The following CHD7 variants were observed in gnomAD, a reference collection of about 807,000 sequenced individuals.
CHD7 encodes chromodomain helicase DNA binding protein 7.
Under a neutral mutation model 307.3 loss-of-function variants are expected in CHD7, and 24 were observed. The observed-to-expected ratio is 0.08, with a 90% CI of 0.06 to 0.11. The LOEUF (loss-of-function observed/expected upper bound fraction) is 0.11, where lower values mean the gene tolerates loss of function less well. Among genes scored for constraint, CHD7 ranks in the 10% least tolerant of loss-of-function variants. The probability of loss-of-function intolerance (pLI) is 1.00; values close to 1 mark genes in which losing one functional copy is unlikely to be tolerated. For missense variants in CHD7, 3,106 were observed against 3,727.1 expected (o/e 0.83, Z 4.34); for synonymous variants, 1,363 against 1,349.9 (o/e 1.01, Z -0.21).
chr8:60,846,340 A>G (rs758285658), intron 23 of CHD7, among the ~76,000 whole-genome samples: 3 of 152,220 alleles, frequency 2.0e-5, no homozygotes, highest in African/African-American at 4.8e-5. Context: ...GCTTGGAATC[A>G]TATTTCTTAC....
In CHD7 at chr8:60,851,304, G is replaced by C; in HGVS notation, c.5650G>C (p.Glu1884Gln). 3 of 1,559,494 alleles carry C rather than the reference G, an allele frequency of 1.9e-6. No individual in the cohort carries two copies. The highest frequency in any genetic ancestry group is 2.6e-6 in the Non-Finnish European group (3 of 1,150,638). ...SPSEDKEESMEIHATGKHSES... is the reference protein window; with the variant it reads ...SPSEDKEESMQIHATGKHSES... ...TTCAGAGGATAAGGAAGAATCCATG[G>C]AAATACATGCCACAGGTAAGGTCCC... is the stretch of plus-strand genomic sequence containing the variant. The change falls in exon 28 of 38, where the codon GAA becomes CAA. Residue 1884 changes from glutamate (E) to glutamine (Q), a missense_variant. By Grantham distance (29) the Glu-to-Gln change is conservative. Transcript: ENST00000423902.
At chr8:60,746,279 A>G (rs781033471) in intron 2 of CHD7, among the ~76,000 whole-genome samples, 1 of 152,262 alleles carries the variant, frequency 6.6e-6, no homozygotes, top group Admixed American at 6.5e-5. Context: ...TATGTAATAC[A>G]GCCTTAGTTA....
chr8:60,845,149 A>G (rs1805149946), intron 22 of CHD7, 86 bp downstream of exon 22: 1 of 1,576,500 alleles, frequency 6.3e-7, no homozygotes, highest in Non-Finnish European at 8.6e-7. Context: ...GAGATGTGAC[A>G]TAAACCCCAT....
intron 30 of CHD7, 55 bp from the exon 31 acceptor site, chr8:60,852,774 A>G (rs1805510900): frequency 1.2e-6 from 2 of 1,609,558 alleles, no homozygotes; most frequent in African/African-American, 1.3e-5. Context: ...AAAGTGTACA[A>G]TGTAGAATGC....
intron 34 of CHD7, among the ~76,000 whole-genome samples, chr8:60,858,961 A>G (rs1259871153): frequency 1.3e-5 from 2 of 152,232 alleles, no homozygotes; most frequent in Non-Finnish European, 2.9e-5. Context: ...ATAATGCAAC[A>G]CACGTGCTTT....
intron 12 of CHD7, among the ~76,000 whole-genome samples, chr8:60,823,247 C>G (rs1009404187): frequency 2.0e-4 from 31 of 152,060 alleles, no homozygotes; most frequent in Admixed American, 1.6e-3. Context: ...ACTCTAGTTA[C>G]CTGTATGCCA....
At chr8:60,850,922 C>T in intron 26 of CHD7, 110 bp from the exon 27 acceptor site, 1 of 786,270 alleles carries the variant, frequency 1.3e-6, no homozygotes, top group Non-Finnish European at 2.0e-6. Context: ...TGATGTCAAA[C>T]CCATAATTAA....
chr8:60,700,387 G>A (rs975617859), intron 1 of CHD7, among the ~76,000 whole-genome samples: 2 of 152,178 alleles, frequency 1.3e-5, no homozygotes, highest in African/African-American at 4.8e-5. Context: ...GCCAGTTGAT[G>A]CTATGTTGAG....
At chr8:60,762,377 G>A (rs758194363) in intron 2 of CHD7, among the ~76,000 whole-genome samples, 10 of 152,148 alleles carry the variant, frequency 6.6e-5, no homozygotes, top group South Asian at 2.1e-4. Flanking sequence ...TCTCTGTTAC[G>A]ATTATTGCTC....
chr8:60,715,455 G>C (rs1484972201), intron 1 of CHD7, among the ~76,000 whole-genome samples: 2 of 151,924 alleles, frequency 1.3e-5, no homozygotes, highest in South Asian at 4.1e-4. Flanking sequence ...GAGTAGCTGG[G>C]ATTACAGGCA....
At chr8:60,749,370 CAAAAA>C (rs55661758) in intron 2 of CHD7, among the ~76,000 whole-genome samples, 149 of 56,302 alleles carry the variant, frequency 2.6e-3, no homozygotes, top group African/African-American at 0.011. Context: ...GACTCTGTAT[CAAAAA>C]AAAAAAAAAA....
At chr8:60,750,224 C>A (rs1209236140) in intron 2 of CHD7, among the ~76,000 whole-genome samples, 1 of 152,162 alleles carries the variant, frequency 6.6e-6, no homozygotes, top group Admixed American at 6.5e-5. Context: ...AATTGATATT[C>A]TTAAAAGAAG....
intron 21 of CHD7, 44 bp from the exon 22 acceptor site, chr8:60,844,820 C>T (rs1181891171): frequency 6.7e-7 from 1 of 1,490,994 alleles, no homozygotes. Context: ...AGCCATAAAT[C>T]AAAACTCACA....
intron 6 of CHD7, among the ~76,000 whole-genome samples, chr8:60,803,702 A>G (rs991924211): frequency 1.3e-5 from 2 of 152,252 alleles, no homozygotes; most frequent in African/African-American, 4.8e-5. Context: ...AAAAAAATCC[A>G]TTAGAAGGTA....
intron 15 of CHD7, among the ~76,000 whole-genome samples, chr8:60,834,221 G>A (rs965934677): frequency 1.3e-4 from 20 of 152,012 alleles, no homozygotes; most frequent in African/African-American, 1.7e-4. Flanking sequence ...TTATTTTGTC[G>A]AAATGATTAT....
intron 15 of CHD7, among the ~76,000 whole-genome samples, chr8:60,832,470 T>A (rs1804562531): frequency 6.6e-6 from 1 of 152,222 alleles, no homozygotes; most frequent in African/African-American, 2.4e-5. Flanking sequence ...TAGCCAGGTC[T>A]TGAGTTGGCG....
chr8:60,704,324 C>T (rs1806912253), intron 1 of CHD7, among the ~76,000 whole-genome samples: 1 of 152,012 alleles, frequency 6.6e-6, no homozygotes, highest in African/African-American at 2.4e-5. Context: ...GCCAAATGAC[C>T]ACACAAACCT....
intron 2 of CHD7, among the ~76,000 whole-genome samples, chr8:60,756,710 C>T (rs745833884): frequency 4.6e-5 from 7 of 152,090 alleles, no homozygotes; most frequent in South Asian, 4.1e-4. Flanking sequence ...CACACACATA[C>T]GCGCATACAC....
Position 60,838,220 on chromosome 8 carries a change from A to G in CHD7, c.4498A>G (p.Ile1500Val). The change falls in exon 19 of 38, where the codon ATT (isoleucine) becomes GTT (valine). Residue 1500 changes from isoleucine to valine, a missense_variant. Coordinates refer to ENST00000423902, the MANE Select transcript of CHD7 (RefSeq NM_017780.4). ...ILLRRTHTIT[I>V]ESEGKGSTFA... ...CCTACGTCGAACCCACACCATTACC[A>G]TTGAGTCAGAAGGGAAAGGTTCCAC... 6.2e-7 allele frequency: 1 copy of G among 1,604,578 alleles called. No homozygotes were observed. Among genetic ancestry groups the G allele is most frequent in the Non-Finnish European group, 8.5e-7 (1 of 1,175,496 alleles).
Sources: gnomAD v4.1 joint callset for allele counts (sites outside exome capture counted in the v4.1 genomes callset) on GRCh38, gnomAD v4.1.1 for gene constraint, MANE v1.5 for transcripts, NCBI Gene and HGNC (gene_info 2026-07-23, HGNC 2026-07-21) for gene names.